The following PDGFD variants were observed in gnomAD, a reference collection of about 807,000 sequenced individuals.
The protein encoded by PDGFD is platelet-derived growth factor D.
A neutral mutation model predicts 44.7 loss-of-function variants in PDGFD; 30 were observed. The ratio of observed to expected loss-of-function variants is 0.67; its 90% CI spans 0.50 to 0.91. The LOEUF is 0.91. PDGFD is among the 40% of genes least tolerant of loss of function. PDGFD has a pLI of 0.00. For missense variants in PDGFD, 445 were observed against 457.8 expected (o/e 0.97, Z 0.25); for synonymous variants, 173 against 168.4 (o/e 1.03, Z -0.21).
chr11:104,080,223 T>G lies in PDGFD; in HGVS notation c.125-79968A>C, dbSNP rs376621787. Among the ~76,000 whole-genome samples the G allele has an allele frequency of 3.9e-5, 6 of 152,332 alleles. No individual in the cohort carries two copies. In the East Asian group the frequency reaches 1.2e-3, roughly 29 times the overall value. On this transcript the variant is annotated intron_variant, in intron 1 of 6. Transcript: ENST00000393158. The stretch of plus-strand genomic sequence containing the variant: ...AGAACTTTCAAAGACTGTAATTCAT[T>G]ATCTCTTTGGTCTTTTAACACTGCA...
intron 1 of PDGFD, among the ~76,000 whole-genome samples, chr11:104,035,800 T>C (rs1860222147): frequency 6.6e-6 from 1 of 152,186 alleles, no homozygotes; most frequent in Non-Finnish European, 1.5e-5. Flanking sequence ...CTGCTTTCCT[T>C]TGGAGTGAGA....
At chr11:104,135,317 A>T (rs2119855191) in intron 1 of PDGFD, among the ~76,000 whole-genome samples, 1 of 152,316 alleles carries the variant, frequency 6.6e-6, no homozygotes, top group Admixed American at 6.5e-5. Flanking sequence ...CTCAATACTA[A>T]GGGAACATAG....
At chr11:103,955,301 G>A (rs1275952565) in intron 3 of PDGFD, among the ~76,000 whole-genome samples, 1 of 150,248 alleles carries the variant, frequency 6.7e-6, no homozygotes, top group Non-Finnish European at 1.5e-5. Context: ...CCCACTGAGG[G>A]AAATCCAAAT....
chr11:103,986,357 C>A lies in PDGFD; in HGVS notation c.510+9708G>T, dbSNP rs185302767. Among the ~76,000 whole-genome samples the A allele has an allele frequency of 2.0e-4, 30 of 152,254 alleles. 2 individuals carry two copies. Among genetic ancestry groups the A allele is most frequent in the Admixed American group, 1.8e-3 (27 of 15,282 alleles). On this transcript the variant is annotated intron_variant, in intron 3 of 6. Transcript: ENST00000393158. ...AGAGTAGAACAGAGTTCCAAAGGACCGTTACCAAAGATACCTGATTGAAAA... is the reference window on the plus strand; with the variant it reads ...AGAGTAGAACAGAGTTCCAAAGGACAGTTACCAAAGATACCTGATTGAAAA...
chr11:104,053,385 T>C (rs1860572355), intron 1 of PDGFD, among the ~76,000 whole-genome samples: 1 of 152,220 alleles, frequency 6.6e-6, no homozygotes. Context: ...TTCATAAATG[T>C]GTATTTTTAA....
intron 6 of PDGFD, among the ~76,000 whole-genome samples, chr11:103,922,858 G>A (rs1329850849): frequency 6.6e-6 from 1 of 152,006 alleles, no homozygotes; most frequent in Non-Finnish European, 1.5e-5. Flanking sequence ...GAGATTACAG[G>A]CATGAGCCAC....
chr11:104,073,536 G>T (rs1860909646), intron 1 of PDGFD, among the ~76,000 whole-genome samples: 1 of 152,100 alleles, frequency 6.6e-6, no homozygotes, highest in Non-Finnish European at 1.5e-5. Flanking sequence ...AAGGCTGTAA[G>T]AAAAAACAAC....
In PDGFD at chr11:103,943,466, T is replaced by C; in HGVS notation, c.758A>G (p.Asp253Gly). The C allele has an allele frequency of 6.2e-7, 1 of 1,612,264 alleles. No individual in the cohort carries two copies. The highest frequency in any genetic ancestry group is 8.5e-7 in the Non-Finnish European group (1 of 1,179,270). ...TPRYRGRSYH[D>G]RKSKVDLDRL... The stretch of plus-strand genomic sequence containing the variant: ...CTGTCTCTTACCTTTTGACTTCCGG[T>C]CATGGTATGACCTGCCTCGATACCG... Residue 253 changes from aspartate to glycine, a missense_variant, in exon 5 of 7, where the codon GAC (aspartate) becomes GGC (glycine). Transcript: ENST00000393158.
At chr11:104,127,512 T>C (rs1219662457) in intron 1 of PDGFD, among the ~76,000 whole-genome samples, 1 of 152,148 alleles carries the variant, frequency 6.6e-6, no homozygotes, top group Non-Finnish European at 1.5e-5. Flanking sequence ...AGCATTAACA[T>C]CACACATGTA....
intron 3 of PDGFD, among the ~76,000 whole-genome samples, chr11:103,991,679 T>C (rs772300717): frequency 1.8e-4 from 27 of 152,336 alleles, no homozygotes; most frequent in Middle Eastern, 3.4e-3. Context: ...AAGTGGGCTA[T>C]TTATACAGGA....
chr11:104,048,499 A>C (rs890505395), intron 1 of PDGFD, among the ~76,000 whole-genome samples: 13 of 152,176 alleles, frequency 8.5e-5, no homozygotes, highest in Non-Finnish European at 1.5e-4. Flanking sequence ...CATGTGAATG[A>C]AAATGTCTTA....
chr11:103,932,026 T>A lies in PDGFD; in HGVS notation c.773-4900A>T, dbSNP rs1390307559. Among the ~76,000 whole-genome samples the A allele has an allele frequency of 2.6e-5, 4 of 152,166 alleles. No homozygotes were observed. In the East Asian group the frequency reaches 7.7e-4, roughly 29 times the overall value. On this transcript the variant is annotated intron_variant, in intron 5 of 6. Transcript: ENST00000393158. Reference sequence around the variant, plus strand: ...CTCAGCTTGCTATATTATTTTAATCTTCTAGAGCTCAAGTCAAAAGGCATA... The same window carrying A: ...CTCAGCTTGCTATATTATTTTAATCATCTAGAGCTCAAGTCAAAAGGCATA...
chr11:103,941,876 G>A (rs1253047081), intron 5 of PDGFD, among the ~76,000 whole-genome samples: 2 of 152,070 alleles, frequency 1.3e-5, no homozygotes, highest in African/African-American at 4.8e-5. Flanking sequence ...TTCAAAATAT[G>A]TGCATATTTT....
At chr11:104,103,388 C>T (rs947143130) in intron 1 of PDGFD, among the ~76,000 whole-genome samples, 3 of 150,628 alleles carry the variant, frequency 2.0e-5, no homozygotes, top group African/African-American at 7.3e-5. Flanking sequence ...AAATCTTTCA[C>T]CTGAACATAT....
chr11:104,099,001 C>T (rs1020030346), intron 1 of PDGFD, among the ~76,000 whole-genome samples: 2 of 152,086 alleles, frequency 1.3e-5, no homozygotes, highest in African/African-American at 2.4e-5. Context: ...AGCAGGAAGA[C>T]ACTAACAATG....
intron 1 of PDGFD, among the ~76,000 whole-genome samples, chr11:104,057,915 CG>C (rs1860647830): frequency 6.6e-6 from 1 of 151,938 alleles, no homozygotes; most frequent in South Asian, 2.1e-4. Flanking sequence ...TAATTTAATG[CG>C]GAAAGATTAG....
At chr11:104,135,501 T>G (rs1271725494) in intron 1 of PDGFD, among the ~76,000 whole-genome samples, 1 of 152,180 alleles carries the variant, frequency 6.6e-6, no homozygotes, top group African/African-American at 2.4e-5. Context: ...CGCCAGAAGC[T>G]TAAGGTATAA....
At chr11:103,969,256 T>G (rs950020116) in intron 3 of PDGFD, among the ~76,000 whole-genome samples, 3 of 152,154 alleles carry the variant, frequency 2.0e-5, no homozygotes, top group Non-Finnish European at 4.4e-5. Flanking sequence ...AGCTAGAAAT[T>G]TAATTACTAT....
At chr11:103,964,535 A>G (rs751652224) in intron 3 of PDGFD, among the ~76,000 whole-genome samples, 8 of 152,160 alleles carry the variant, frequency 5.3e-5, no homozygotes, top group Non-Finnish European at 1.0e-4. Context: ...TAAGAAAAGC[A>G]GGTCCTTTTC....
Sources: allele counts gnomAD v4.1 joint callset (sites outside exome capture counted in the v4.1 genomes callset), GRCh38; gene constraint gnomAD v4.1.1; transcripts MANE v1.5; gene names NCBI Gene and HGNC (gene_info 2026-07-23, HGNC 2026-07-21).